The following HLCS variants were observed in gnomAD, a reference collection of about 807,000 sequenced individuals.
The protein encoded by HLCS is holocarboxylase synthetase.
A neutral mutation model predicts 75.0 loss-of-function variants in HLCS; 53 were observed. The ratio of observed to expected loss-of-function variants is 0.71; its 90% CI spans 0.57 to 0.89. The LOEUF is 0.89. Among genes scored for constraint, HLCS ranks in the 40% least tolerant of loss-of-function variants. HLCS has a pLI of 0.00. For missense variants in HLCS, 966 were observed against 1,074.0 expected (o/e 0.90, Z 1.41); for synonymous variants, 431 against 428.6 (o/e 1.01, Z -0.07).
chr21:36,785,242 G>A (rs999526069), intron 6 of HLCS, among the ~76,000 whole-genome samples: 5 of 152,096 alleles, frequency 3.3e-5, no homozygotes, highest in Non-Finnish European at 5.9e-5. Flanking sequence ...GCCAGAGCTC[G>A]TTTGCCGGGA....
At chr21:36,798,861 G>A (rs76395138) in intron 6 of HLCS, among the ~76,000 whole-genome samples, 7,739 of 152,084 alleles carry the variant, frequency 0.051, 309 homozygotes, top group South Asian at 0.18. Flanking sequence ...TCAAATTTTT[G>A]CCTTTTAAAA....
chr21:36,756,155 A>G (rs536116974), intron 10 of HLCS, among the ~76,000 whole-genome samples: 4 of 152,104 alleles, frequency 2.6e-5, no homozygotes, highest in Middle Eastern at 3.4e-3. Flanking sequence ...ATACTGAACT[A>G]CGGCCGGGCG....
intron 4 of HLCS, among the ~76,000 whole-genome samples, chr21:36,934,026 A>C (rs2066767329): frequency 6.6e-6 from 1 of 152,106 alleles, no homozygotes; most frequent in African/African-American, 2.4e-5. Flanking sequence ...CAATGGAAAC[A>C]AGAAAAGAGG....
At chr21:36,928,492 C>A (rs1338295590) in intron 5 of HLCS, among the ~76,000 whole-genome samples, 1 of 152,098 alleles carries the variant, frequency 6.6e-6, no homozygotes, top group African/African-American at 2.4e-5. Context: ...ATCGCTTGAG[C>A]TTGGGAGGTG....
intron 6 of HLCS, among the ~76,000 whole-genome samples, chr21:36,779,305 T>TTCCTTCCC (rs1376195209): frequency 6.6e-6 from 1 of 151,964 alleles, no homozygotes; most frequent in Non-Finnish European, 1.5e-5. Flanking sequence ...CCCTCCTTCC[T>TTCCTTCCC]TCCTTCCCTC....
chr21:36,783,834 CAT>C (rs967959762), intron 6 of HLCS, among the ~76,000 whole-genome samples: 7 of 149,162 alleles, frequency 4.7e-5, no homozygotes, highest in Non-Finnish European at 9.0e-5. Context: ...CACACACACA[CAT>C]ACATGCACAA....
intron 6 of HLCS, among the ~76,000 whole-genome samples, chr21:36,825,549 G>C (rs897067201): frequency 6.6e-6 from 1 of 152,074 alleles, no homozygotes; most frequent in African/African-American, 2.4e-5. Context: ...CATCTTCCAA[G>C]TAAGTTAGCC....
rs888709767 is a variant in HLCS at position 36,966,575 on chromosome 21, C to T, written c.64G>A (p.Val22Met). The change falls in exon 1 of 11, where the codon GTG (valine) becomes ATG (methionine). Residue 22 changes from valine to methionine, a missense_variant. By Grantham distance (21) the Val-to-Met change is conservative (BLOSUM62 1). Coordinates refer to ENST00000674895, the MANE Select transcript of HLCS (RefSeq NM_001352514.2). ...ARWGRRPAEL[V>M]RATVRRLRAS... ...CGCAGCCGCCGCACCGTGGCGCGCA[C>T]GAGCTCAGCCGGCCGGCGACCCCAG... is the stretch of plus-strand genomic sequence containing the variant. 6 of 996,568 alleles carry T rather than the reference C, an allele frequency of 6.0e-6. No homozygotes were observed. The African/African-American group carries it at 1.1e-4, about 17-fold the overall frequency. The allele number at this position is 996,568 out of a possible 1,614,324, so 61.7% of individuals were successfully genotyped here.
rs66614497 is a variant in HLCS at position 36,933,551 on chromosome 21, C to CA, written c.1437+2897dup. On this transcript the variant is annotated intron_variant, in intron 4 of 10. Transcript: ENST00000674895. ...AGGCAGTAAGAATGAAACTCCGTCT[C>CA]AAAAAAAAAAAAAAAAAAAAACAAT... is the stretch of plus-strand genomic sequence containing the variant. Among the ~76,000 whole-genome samples the CA allele has an allele frequency of 2.5e-3, 206 of 83,986 alleles. 3 individuals carry two copies. Among genetic ancestry groups the CA allele is most frequent in the East Asian group, 2.9e-3 (8 of 2,784 alleles). 55.1% of individuals were successfully genotyped at this position (83,986 alleles called of 152,430 possible).
intron 6 of HLCS, among the ~76,000 whole-genome samples, chr21:36,864,467 A>G (rs2146203378): frequency 6.6e-6 from 1 of 152,246 alleles, no homozygotes; most frequent in East Asian, 1.9e-4. Flanking sequence ...CTCCTTCAAG[A>G]AAATTCTACT....
intron 5 of HLCS, among the ~76,000 whole-genome samples, chr21:36,919,655 TG>T (rs1480712045): frequency 1.3e-5 from 2 of 152,216 alleles, no homozygotes; most frequent in African/African-American, 4.8e-5. Flanking sequence ...ACACAAATTT[TG>T]AAAACACAAT....
upstream of HLCS, among the ~76,000 whole-genome samples, chr21:36,969,298 A>T (rs1038371140): frequency 6.6e-6 from 1 of 152,206 alleles, no homozygotes; most frequent in Non-Finnish European, 1.5e-5. Flanking sequence ...ATTAATGTGT[A>T]TGCACCTGAT....
chr21:36,795,983 A>C (rs1489781642), intron 6 of HLCS, among the ~76,000 whole-genome samples: 2 of 152,250 alleles, frequency 1.3e-5, no homozygotes, highest in Admixed American at 6.5e-5. Flanking sequence ...TTTTAAAAAA[A>C]TATTTTGGTG....
At chr21:36,769,253 G>T (rs1430644315) in intron 6 of HLCS, among the ~76,000 whole-genome samples, 1 of 152,202 alleles carries the variant, frequency 6.6e-6, no homozygotes, top group Non-Finnish European at 1.5e-5. Flanking sequence ...TGCAAGGAGG[G>T]AGACAACCGG....
At chr21:36,805,642 G>GT (rs1051868058) in intron 6 of HLCS, among the ~76,000 whole-genome samples, 2 of 152,110 alleles carry the variant, frequency 1.3e-5, no homozygotes, top group Non-Finnish European at 2.9e-5. Context: ...GATAAATGAA[G>GT]TGTAATAAGA....
At chr21:36,902,689 G>C (rs922105043) in intron 5 of HLCS, among the ~76,000 whole-genome samples, 7 of 152,204 alleles carry the variant, frequency 4.6e-5, no homozygotes, top group Admixed American at 3.3e-4. Flanking sequence ...TTTGGGGAGG[G>C]AGGAACGAAC....
At chr21:36,979,959 G>T (rs901809853) in intron 1 of HLCS, among the ~76,000 whole-genome samples, 1 of 148,218 alleles carries the variant, frequency 6.7e-6, no homozygotes, top group Non-Finnish European at 1.5e-5. Context: ...TGGGGAGGTC[G>T]AGGCTGCAGT....
intron 4 of HLCS, among the ~76,000 whole-genome samples, chr21:36,936,208 C>T (rs2066871057): frequency 6.6e-6 from 1 of 152,156 alleles, no homozygotes; most frequent in African/African-American, 2.4e-5. Flanking sequence ...GCTCATTTAA[C>T]CCTGACAGCT....
At chr21:36,812,718 GA>G (rs1368247053) in intron 6 of HLCS, among the ~76,000 whole-genome samples, 1 of 151,944 alleles carries the variant, frequency 6.6e-6, no homozygotes, top group Non-Finnish European at 1.5e-5. Flanking sequence ...AAAAATAGAG[GA>G]AAAAAATACT....
Sources: allele counts gnomAD v4.1 joint callset (sites outside exome capture counted in the v4.1 genomes callset), GRCh38; gene constraint gnomAD v4.1.1; transcripts MANE v1.5; gene names NCBI Gene and HGNC (gene_info 2026-07-23, HGNC 2026-07-21).